TICRR: variants seen among roughly 807,000 people sequenced by gnomAD.
The protein encoded by TICRR is TOPBP1 interacting checkpoint and replication regulator.
In TICRR, 132 loss-of-function variants were observed where a neutral mutation model predicts 178.1. The ratio of observed to expected loss-of-function variants is 0.74; its 90% CI spans 0.64 to 0.86. TICRR has a LOEUF of 0.86. Among genes scored for constraint, TICRR ranks in the 40% least tolerant of loss-of-function variants. The pLI is 0.00. For synonymous variants in TICRR, 991 were observed against 900.7 expected (o/e 1.10, Z -1.79); for missense variants, 2,587 against 2,334.3 (o/e 1.11, Z -2.23).
chr15:89,610,319 CTAT>C (rs1320632368), intron 15 of TICRR, among the ~76,000 whole-genome samples: 2 of 152,132 alleles, frequency 1.3e-5, no homozygotes, highest in Admixed American at 6.5e-5. Context: ...AAGTCTCCAG[CTAT>C]TATTGTTGAA....
rs1267986748 is a variant in TICRR at position 89,584,616 on chromosome 15, T to A, written c.1176+89T>A. Reference sequence around the variant, plus strand: ...GTGTTTATAAATGCCCTACACAATATAGTCTTAGTAAAACTGATTATGCTT... The same window carrying A: ...GTGTTTATAAATGCCCTACACAATAAAGTCTTAGTAAAACTGATTATGCTT... On this transcript the variant is annotated intron_variant, in intron 3 of 21. Coordinates refer to ENST00000268138, the MANE Select transcript of TICRR (RefSeq NM_152259.4). 4 of 1,323,606 alleles carry A rather than the reference T, an allele frequency of 3.0e-6. No individual in the cohort carries two copies. In the East Asian group the frequency reaches 1.0e-4, roughly 33 times the overall value. The allele number at this position is 1,323,606 out of a possible 1,614,324, so 82.0% of individuals were successfully genotyped here.
intron 16 of TICRR, 64 bp downstream of exon 16, chr15:89,616,559 C>A: frequency 7.6e-7 from 1 of 1,318,602 alleles, no homozygotes; most frequent in Non-Finnish European, 1.1e-6. Flanking sequence ...GCCTTGTGGG[C>A]CACTACTTCG....
intron 3 of TICRR, 128 bp from the exon 4 acceptor site, chr15:89,585,580 T>G: frequency 1.4e-6 from 1 of 691,780 alleles, no homozygotes; most frequent in Non-Finnish European, 2.5e-6. Context: ...AATGATCAAA[T>G]CTATCTTTTT....
chr15:89,592,262 C>A, intron 5 of TICRR, 86 bp downstream of exon 5: 1 of 1,143,528 alleles, frequency 8.7e-7, no homozygotes, highest in Non-Finnish European at 1.3e-6. Context: ...ACCACATTCT[C>A]TGAGTATAGT....
At chr15:89,592,891 G>C (rs1266668759) in intron 5 of TICRR, among the ~76,000 whole-genome samples, 3 of 152,078 alleles carry the variant, frequency 2.0e-5, no homozygotes, top group Non-Finnish European at 4.4e-5. Context: ...TAATAACTGT[G>C]GTACCTTGTC....
At chr15:89,615,401 A>G (rs1596055404) in intron 15 of TICRR, among the ~76,000 whole-genome samples, 1 of 152,124 alleles carries the variant, frequency 6.6e-6, no homozygotes, top group East Asian at 1.9e-4. Flanking sequence ...TGATTGTGGG[A>G]AATTGATTTT....
Position 89,594,453 on chromosome 15 carries a change from C to T in TICRR, c.1580C>T (p.Ser527Phe). 1.2e-6 allele frequency: 2 copies of T among 1,613,070 alleles called. No homozygotes were observed. The highest frequency in any genetic ancestry group is 1.7e-6 in the Non-Finnish European group (2 of 1,179,468). Residue 527 changes from serine (S) to phenylalanine (F), a missense_variant, in exon 6 of 22, where the codon TCC becomes TTC. By Grantham distance (155) the Ser-to-Phe change is radical. Transcript: ENST00000268138. ...GCCTCAGCTAATAAGGAAGAGTCTT[C>T]CAAAACTGAAGGCGAATTAATACAT... ...QAASANKEES[S>F]KTEGELIHCL...
At chr15:89,620,475 T>C (rs1015358547) in intron 18 of TICRR, among the ~76,000 whole-genome samples, 4 of 152,174 alleles carry the variant, frequency 2.6e-5, no homozygotes, top group African/African-American at 9.7e-5. Context: ...CCCAAAGTGC[T>C]GGGATTACAA....
intron 1 of TICRR, chr15:89,580,281 TGA>T (rs2141951032): frequency 1.3e-5 from 2 of 152,322 alleles, no homozygotes; most frequent in East Asian, 3.9e-4. Context: ...TGGATCAAAG[TGA>T]GGGGTGTTGG....
chr15:89,593,245 A>G (rs1278255842), intron 5 of TICRR, among the ~76,000 whole-genome samples: 1 of 152,262 alleles, frequency 6.6e-6, no homozygotes, highest in East Asian at 1.9e-4. Context: ...CATCCGATCC[A>G]TGAACATGGT....
chr15:89,625,616 G>C lies in TICRR; in HGVS notation c.5306G>C (p.Gly1769Ala). The change falls in exon 20 of 22, where the codon GGG becomes GCG. Residue 1769 changes from glycine (G) to alanine (A), a missense_variant. By Grantham distance (60) the Gly-to-Ala change is moderately conservative. Transcript: ENST00000268138. ...AEEASSWGQF[G>A]LSSRKRVLLA... ...GAAGCCTCTTCCTGGGGACAGTTTGGGTTGAGTTCCAGGAAGAGAGTCCTG... is the reference window on the plus strand; with the variant it reads ...GAAGCCTCTTCCTGGGGACAGTTTGCGTTGAGTTCCAGGAAGAGAGTCCTG... 6.2e-7 allele frequency: 1 copy of C among 1,613,268 alleles called. No homozygotes were observed. The highest frequency in any genetic ancestry group is 8.5e-7 in the Non-Finnish European group (1 of 1,179,996).
Position 89,624,113 on chromosome 15 carries a change from A to G in TICRR, c.3803A>G (p.Gln1268Arg). The G allele has an allele frequency of 1.2e-6, 2 of 1,613,944 alleles. No individual in the cohort carries two copies. The highest frequency in any genetic ancestry group is 1.7e-6 in the Non-Finnish European group (2 of 1,179,990). ...ACGCCTCAGAATCAAACACACCAAC[A>G]GCCCCATGTCCTCAGAGCTGCTCGG... ...MGTPQNQTHQ[Q>R]PHVLRAARAE... is the part of the protein sequence containing the mutation. Residue 1268 changes from glutamine (Q) to arginine (R), a missense_variant, in exon 20 of 22, where the codon CAG (glutamine) becomes CGG (arginine). Physicochemically the swap from Gln to Arg is conservative, Grantham distance 43. Transcript: ENST00000268138.
At chr15:89,611,824 C>G (rs113353368) in intron 15 of TICRR, among the ~76,000 whole-genome samples, 9,141 of 152,082 alleles carry the variant, frequency 0.06, 322 homozygotes, top group Middle Eastern at 0.11. Context: ...TTTATCATTT[C>G]TATTGCTTTA....
intron 18 of TICRR, among the ~76,000 whole-genome samples, chr15:89,620,573 T>A (rs1244795051): frequency 6.6e-6 from 1 of 152,180 alleles, no homozygotes; most frequent in Non-Finnish European, 1.5e-5. Context: ...ACATAGGAGC[T>A]GGGGTTAATA....
intron 18 of TICRR, 69 bp downstream of exon 18, chr15:89,619,911 A>G: frequency 6.5e-7 from 1 of 1,531,520 alleles, no homozygotes; most frequent in South Asian, 1.3e-5. Flanking sequence ...TGGGAAAAGA[A>G]GCAAGAAATT....
chr15:89,616,554 G>A, intron 16 of TICRR, 59 bp downstream of exon 16: 1 of 1,376,148 alleles, frequency 7.3e-7, no homozygotes, highest in Non-Finnish European at 1.0e-6. Flanking sequence ...AAGCGGCCTT[G>A]TGGGCCACTA....
intron 18 of TICRR, among the ~76,000 whole-genome samples, chr15:89,620,420 C>G (rs1356913476): frequency 6.6e-6 from 1 of 152,020 alleles, no homozygotes; most frequent in Non-Finnish European, 1.5e-5. Context: ...GTTGCCCAGG[C>G]TGGTCTTGAA....
At position 89,589,437 on chromosome 15, in the gene TICRR, G is replaced by T. The variant is rs78973372; in HGVS notation, c.1412-2610G>T. Among the ~76,000 whole-genome samples, 1,262 of 152,228 alleles carry T rather than the reference G, an allele frequency of 8.3e-3. 24 individuals carry two copies. The highest frequency in any genetic ancestry group is 0.029 in the African/African-American group (1,214 of 41,532). ...CTCCAAAGCCCTGCCCAGGCGGCCAGTGGAGGGTGGCCTTGTTTTTAGCAT... is the reference window on the plus strand; with the variant it reads ...CTCCAAAGCCCTGCCCAGGCGGCCATTGGAGGGTGGCCTTGTTTTTAGCAT... On this transcript the variant is annotated intron_variant, in intron 4 of 21. Transcript: ENST00000268138.
intron 15 of TICRR, among the ~76,000 whole-genome samples, chr15:89,613,911 T>G (rs1481909484): frequency 6.6e-6 from 1 of 152,102 alleles, no homozygotes; most frequent in African/African-American, 2.4e-5. Flanking sequence ...TCCCAGCACT[T>G]TGGGAGGCCA....
Sources: allele counts gnomAD v4.1 joint callset (sites outside exome capture counted in the v4.1 genomes callset), GRCh38; gene constraint gnomAD v4.1.1; transcripts MANE v1.5; gene names NCBI Gene and HGNC (gene_info 2026-07-23, HGNC 2026-07-21).